The following XPA variants were observed in gnomAD, a reference collection of about 807,000 sequenced individuals.
XPA encodes the protein DNA repair protein complementing XP-A cells.
XPA carries 27 observed loss-of-function variants against 35.7 expected under a neutral mutation model. The ratio of observed to expected loss-of-function variants is 0.76; its 90% CI spans 0.56 to 1.04. The LOEUF is 1.04. Ranked by LOEUF, XPA falls within the 50% of genes least tolerant of loss-of-function variation. The probability of loss-of-function intolerance (pLI) is 0.00; values close to 1 mark genes in which losing one functional copy is unlikely to be tolerated. For missense variants in XPA, 354 were observed against 342.7 expected, an observed-to-expected ratio of 1.03 and a Z score of -0.26; for synonymous variants, 133 against 118.4, an observed-to-expected ratio of 1.12 and a Z score of -0.80.
downstream of XPA, chr9:97,670,951 G>T (rs2805837): frequency 2.0e-6 from 1 of 509,796 alleles, no homozygotes; most frequent in Non-Finnish European, 3.5e-6. Context: ...GGGGTCCATT[G>T]TTCCTATCAG....
intron 5 of XPA, chr9:97,675,935 A>G (rs1564036805): frequency 7.2e-6 from 2 of 278,980 alleles, no homozygotes; most frequent in East Asian, 8.0e-5. Context: ...AGATAACAGA[A>G]TGCCACAGTA....
intron 5 of XPA, among the ~76,000 whole-genome samples, chr9:97,682,682 T>TCTA (rs1257231058): frequency 6.6e-6 from 1 of 152,050 alleles, no homozygotes. Flanking sequence ...ACCCAAGAGG[T>TCTA]CTAACTCTAT....
At chr9:97,661,138 G>T in the XPA span, 1 of 1,571,650 alleles carries the variant, frequency 6.4e-7, no homozygotes. Flanking sequence ...CATAACTCTG[G>T]CAACATGATG....
chr9:97,697,150 TA>T lies in XPA; in HGVS notation c.142del (p.Tyr48ThrfsTer15). 6.4e-7 allele frequency: 1 copy of T among 1,565,442 alleles called. No homozygotes were observed. Among genetic ancestry groups the T allele is most frequent in the Non-Finnish European group, 8.6e-7 (1 of 1,158,832 alleles). ...AGTAGCCGCAGCCGCCGTCGCCGAG[TA>T]GGGCCGGGCAGCCAGCCGGGCCTGG... Reference protein sequence around the residue: ...LRQARLAARPYSATAAAATGG... With the variant: ...LRQARLAARPXSATAAAATGG... On this transcript the variant is annotated frameshift_variant, in exon 1 of 6. Transcript: ENST00000375128. LOFTEE classifies it high-confidence loss of function.
At chr9:97,655,267 G>A in the XPA span, among the ~76,000 whole-genome samples, 1 of 152,184 alleles carries the variant, frequency 6.6e-6, no homozygotes, top group East Asian at 1.9e-4. Flanking sequence ...CTGGAGTGCA[G>A]TGGGATGAGC....
chr9:97,688,248 C>A (rs539017336), intron 3 of XPA, among the ~76,000 whole-genome samples: 3 of 152,170 alleles, frequency 2.0e-5, no homozygotes, highest in Non-Finnish European at 4.4e-5. Context: ...CCTTTTCTAG[C>A]TTCTAGAGGC....
rs780493944 is a variant in XPA at position 97,675,319 on chromosome 9, T to C, written c.*120A>G. The C allele has an allele frequency of 1.2e-5, 13 of 1,103,308 alleles. No individual in the cohort carries two copies. The highest frequency in any genetic ancestry group is 2.6e-5 in the East Asian group (1 of 38,874). 68.3% of individuals were successfully genotyped at this position (1,103,308 alleles called of 1,614,324 possible). A position where few individuals can be genotyped will look rare whatever the true frequency, so the allele number is the denominator to read the frequency against. ...ATAATTATTACTGAAGTATTACTTA[T>C]ACAAGGGTTTCATTCATCTATGAAG... On this transcript the variant is annotated 3_prime_UTR_variant, in exon 6 of 6. Coordinates refer to ENST00000375128, the MANE Select transcript of XPA (RefSeq NM_000380.4).
chr9:97,674,825 TTCCATTTTAA>T (rs1828299434), downstream of XPA: 1 of 392,556 alleles, frequency 2.5e-6, no homozygotes, highest in Admixed American at 3.6e-5. Context: ...AACAGCTCTT[TTCCATTTTAA>T]TCCAGCATTT....
At chr9:97,669,625 A>T in the XPA span, 1 of 1,612,618 alleles carries the variant, frequency 6.2e-7, no homozygotes, top group Non-Finnish European at 8.5e-7. Context: ...AGCACCTAGT[A>T]CGATGCGAAA....
chr9:97,661,265 TAAGAATA>T, the XPA span, among the ~76,000 whole-genome samples: 1 of 152,222 alleles, frequency 6.6e-6, no homozygotes, highest in African/African-American at 2.4e-5. Flanking sequence ...ATAGCTTACT[TAAGAATA>T]TAAACTTCAT....
the XPA span, among the ~76,000 whole-genome samples, chr9:97,657,088 C>CT: frequency 6.6e-6 from 1 of 152,216 alleles, no homozygotes; most frequent in Non-Finnish European, 1.5e-5. Flanking sequence ...CTGCCTCAGC[C>CT]TCCTGGTAGC....
At chr9:97,685,061 TTAAA>T in intron 4 of XPA, 21 bp from the exon 5 acceptor site, 1 of 1,601,870 alleles carries the variant, frequency 6.2e-7, no homozygotes, top group African/African-American at 1.3e-5. Context: ...AAATCCATAT[TTAAA>T]TAAGTTGTGA....
intron 1 of XPA, among the ~76,000 whole-genome samples, chr9:97,696,543 A>T (rs1490395762): frequency 1.3e-5 from 2 of 152,184 alleles, no homozygotes; most frequent in Non-Finnish European, 2.9e-5. Context: ...CTGATTGCTG[A>T]GTAGGAGATT....
chr9:97,689,888 G>C (rs935295039), intron 2 of XPA, among the ~76,000 whole-genome samples: 1 of 152,178 alleles, frequency 6.6e-6, no homozygotes, highest in African/African-American at 2.4e-5. Context: ...CAAGGTACTT[G>C]TATTAGTGCT....
At chr9:97,676,541 A>G (rs1302448420) in intron 5 of XPA, among the ~76,000 whole-genome samples, 1 of 152,200 alleles carries the variant, frequency 6.6e-6, no homozygotes, top group Non-Finnish European at 1.5e-5. Context: ...AAGTAATCAC[A>G]TATTTTCCCT....
chr9:97,684,948 CT>C lies in XPA; in HGVS notation c.647del (p.Gln216ArgfsTer8). The C allele has an allele frequency of 6.2e-7, 1 of 1,613,446 alleles. No individual in the cohort carries two copies. The highest frequency in any genetic ancestry group is 8.5e-7 in the Non-Finnish European group (1 of 1,179,652). ...CTTTTACTTTTTTATCAAATTTCTT[CT>C]GTTTCATTTTTTCTCGGTTTTCCTG... ...VRQENREKMK[Q>X]KKFDKKVKEL... On this transcript the variant is annotated frameshift_variant, in exon 5 of 6. Transcript: ENST00000375128. LOFTEE classifies it high-confidence loss of function.
downstream of XPA, chr9:97,669,940 T>A: frequency 1.9e-6 from 1 of 528,136 alleles, no homozygotes; most frequent in Non-Finnish European, 3.5e-6. Context: ...ACCTTTTTTT[T>A]GAGATGGCAT....
the XPA span, chr9:97,663,146 G>C: frequency 3.3e-6 from 3 of 899,840 alleles, no homozygotes; most frequent in African/African-American, 5.1e-5. Flanking sequence ...CATGAAATTT[G>C]ACTCTGCCTA....
the XPA span, among the ~76,000 whole-genome samples, chr9:97,656,332 A>G: frequency 6.6e-6 from 1 of 152,246 alleles, no homozygotes; most frequent in East Asian, 1.9e-4. Context: ...CTGTAATCCC[A>G]GCACTTTGGG....
Sources: allele counts gnomAD v4.1 joint callset (sites outside exome capture counted in the v4.1 genomes callset), GRCh38; gene constraint gnomAD v4.1.1; transcripts MANE v1.5; gene names NCBI Gene and HGNC (gene_info 2026-07-23, HGNC 2026-07-21).